The following PDS5B variants were observed in gnomAD, a reference collection of about 807,000 sequenced individuals.
PDS5B encodes PDS5 cohesin associated factor B.
In PDS5B, 51 loss-of-function variants were observed where a neutral mutation model predicts 184.1. The ratio of observed to expected loss-of-function variants is 0.28; its 90% confidence interval spans 0.22 to 0.35. The LOEUF (loss-of-function observed/expected upper bound fraction) is 0.35. Ranked by LOEUF, PDS5B falls within the 10% of genes least tolerant of loss-of-function variation. The pLI is 1.00. For missense variants in PDS5B, 1,180 were observed against 1,723.3 expected, an observed-to-expected ratio of 0.68 and a Z score of 5.58; for synonymous variants, 566 against 569.2, an observed-to-expected ratio of 0.99 and a Z score of 0.08.
rs545443462 is a variant in PDS5B at position 32,636,916 on chromosome 13, G to C, written c.-19-11838G>C. ...TTGACAGGTGAGACTTGAAAGAGCAGTGTTAGCCAGGCATGAGGGCTAGAG... is the reference window on the plus strand; with the variant it reads ...TTGACAGGTGAGACTTGAAAGAGCACTGTTAGCCAGGCATGAGGGCTAGAG... On this transcript the variant is annotated intron_variant, in intron 1 of 34. Transcript: ENST00000315596. Among the ~76,000 whole-genome samples, 6 of 152,328 alleles carry C rather than the reference G, an allele frequency of 3.9e-5. No individual in the cohort carries two copies. In the South Asian group the frequency reaches 1.0e-3, roughly 26 times the overall value.
chr13:32,626,726 A>G, intron 1 of PDS5B, among the ~76,000 whole-genome samples: 1 of 152,176 alleles, frequency 6.6e-6, no homozygotes, highest in East Asian at 1.9e-4. Context: ...ACATTCCCAA[A>G]TGTTCTGTTC....
chr13:32,642,461 T>A (rs746785563), intron 1 of PDS5B, among the ~76,000 whole-genome samples: 1 of 152,196 alleles, frequency 6.6e-6, no homozygotes, highest in African/African-American at 2.4e-5. Context: ...GGGAGGAGCC[T>A]AGCTCTGCCT....
intron 28 of PDS5B, among the ~76,000 whole-genome samples, chr13:32,759,318 G>A (rs919072120): frequency 6.6e-6 from 1 of 152,164 alleles, no homozygotes; most frequent in Non-Finnish European, 1.5e-5. Flanking sequence ...TGTCACGTTG[G>A]TGTGAGCAGA....
chr13:32,623,629 G>C (rs948703457), intron 1 of PDS5B, among the ~76,000 whole-genome samples: 1 of 151,982 alleles, frequency 6.6e-6, no homozygotes, highest in Non-Finnish European at 1.5e-5. Context: ...ATTTCGCAAG[G>C]CAGGTTTCAT....
At position 32,758,129 on chromosome 13, in the gene PDS5B, A is replaced by T. The variant is rs767936982; in HGVS notation, c.3099A>T (p.Glu1033Asp). The T allele has an allele frequency of 2.6e-6, 4 of 1,537,930 alleles. No individual in the cohort carries two copies. The African/African-American group carries it at 5.5e-5, about 21-fold the overall frequency. ...TGGAAATATTAATGGCTAAAAATGA[A>T]AATAACAGTCACGCTTTTATCAGAA... Reference protein sequence around the residue: ...FVLEILMAKNENNSHAFIRKM... With the variant: ...FVLEILMAKNDNNSHAFIRKM... The change falls in exon 27 of 35, where the codon GAA becomes GAT. Residue 1033 changes from glutamate (E) to aspartate (D), a missense_variant. Glu to Asp is a conservative substitution (Grantham distance 45). This residue lies in a region of PDS5B where 465 missense variants were observed against 497.8 expected (regional missense o/e 0.93). Coordinates refer to ENST00000315596, the MANE Select transcript of PDS5B (RefSeq NM_015032.4).
At chr13:32,607,255 C>G (rs2058073979) in intron 1 of PDS5B, among the ~76,000 whole-genome samples, 1 of 152,140 alleles carries the variant, frequency 6.6e-6, no homozygotes, top group Non-Finnish European at 1.5e-5. Flanking sequence ...GATGTCCTTT[C>G]TGTTTGTTAG....
intron 6 of PDS5B, 43 bp from the exon 7 acceptor site, chr13:32,667,721 A>G: frequency 1.7e-6 from 2 of 1,210,314 alleles, no homozygotes. Flanking sequence ...TTTGCTTTTC[A>G]TAGTTAGAGA....
intron 9 of PDS5B, 35 bp downstream of exon 9, chr13:32,675,994 CATT>C: frequency 8.6e-7 from 1 of 1,167,716 alleles, no homozygotes; most frequent in Non-Finnish European, 1.3e-6. Context: ...AAAAGTAATA[CATT>C]ATTCTACTGA....
chr13:32,732,262 CAT>C, intron 20 of PDS5B, 38 bp downstream of exon 20: 1 of 1,404,662 alleles, frequency 7.1e-7, no homozygotes, highest in Non-Finnish European at 1.0e-6. Flanking sequence ...TTTCATATGT[CAT>C]AGTTACAAAA....
chr13:32,680,467 A>G (rs976114997), intron 10 of PDS5B, among the ~76,000 whole-genome samples: 2 of 152,208 alleles, frequency 1.3e-5, no homozygotes, highest in African/African-American at 4.8e-5. Context: ...AAGGTGAGTT[A>G]CTAATGTGTT....
chr13:32,764,181 C>G (rs1954507486), intron 30 of PDS5B, among the ~76,000 whole-genome samples: 1 of 152,008 alleles, frequency 6.6e-6, no homozygotes, highest in Admixed American at 6.6e-5. Flanking sequence ...GCAGTGTAGA[C>G]CAAGCTAAAC....
intron 1 of PDS5B, among the ~76,000 whole-genome samples, chr13:32,638,954 C>T (rs2058611534): frequency 6.6e-6 from 1 of 151,850 alleles, no homozygotes; most frequent in African/African-American, 2.4e-5. Flanking sequence ...CAGCAGTCTA[C>T]ATGGGGGCGT....
chr13:32,694,920 T>G (rs1337547487), intron 14 of PDS5B, among the ~76,000 whole-genome samples: 1 of 151,694 alleles, frequency 6.6e-6, no homozygotes, highest in African/African-American at 2.4e-5. Flanking sequence ...GTGCGCCTGG[T>G]CATTTTAAAT....
intron 24 of PDS5B, among the ~76,000 whole-genome samples, chr13:32,748,121 A>G (rs1953827086): frequency 6.6e-6 from 1 of 152,212 alleles, no homozygotes; most frequent in Non-Finnish European, 1.5e-5. Context: ...TCTTCTCACA[A>G]CTTAGAAACA....
At chr13:32,708,581 A>G (rs2140889617) in intron 18 of PDS5B, among the ~76,000 whole-genome samples, 1 of 152,328 alleles carries the variant, frequency 6.6e-6, no homozygotes, top group African/African-American at 2.4e-5. Flanking sequence ...TAATCCCATC[A>G]GTAGTATGTG....
chr13:32,685,737 G>A (rs913575464), intron 11 of PDS5B, among the ~76,000 whole-genome samples: 1 of 152,082 alleles, frequency 6.6e-6, no homozygotes, highest in African/African-American at 2.4e-5. Flanking sequence ...CCTTGACCTG[G>A]GTTCCAACAG....
chr13:32,633,411 A>G (rs1419798566), intron 1 of PDS5B, among the ~76,000 whole-genome samples: 1 of 152,214 alleles, frequency 6.6e-6, no homozygotes, highest in Non-Finnish European at 1.5e-5. Flanking sequence ...TAATAAAACT[A>G]TTTAAGAAAA....
chr13:32,588,142 A>T (rs1566225098), intron 1 of PDS5B, among the ~76,000 whole-genome samples: 1 of 152,198 alleles, frequency 6.6e-6, no homozygotes, highest in Non-Finnish European at 1.5e-5. Flanking sequence ...CATGTCTGAG[A>T]TGTTCGCATC....
chr13:32,772,174 G>T (rs1954810779), intron 33 of PDS5B, among the ~76,000 whole-genome samples: 1 of 152,094 alleles, frequency 6.6e-6, no homozygotes, highest in South Asian at 2.1e-4. Flanking sequence ...AAATTGTTTG[G>T]TTCGAGCGTG....
Sources: allele counts gnomAD v4.1 joint callset (sites outside exome capture counted in the v4.1 genomes callset), GRCh38; gene constraint gnomAD v4.1.1; regional missense constraint gnomAD v4.1.1; transcripts MANE v1.5; gene names NCBI Gene and HGNC (gene_info 2026-07-23, HGNC 2026-07-21).